The following TMPRSS13 variants were observed in gnomAD, a reference collection of about 807,000 sequenced individuals.
TMPRSS13 encodes the protein transmembrane serine protease 13.
In TMPRSS13, 50 loss-of-function variants were observed where a neutral mutation model predicts 68.4. The observed-to-expected ratio is 0.73, with a 90% CI of 0.58 to 0.93. TMPRSS13 has a LOEUF of 0.93. TMPRSS13 is among the 40% of genes least tolerant of loss of function. The pLI, the probability that TMPRSS13 is intolerant of heterozygous loss-of-function variation, is 0.00. For synonymous variants in TMPRSS13, 267 were observed against 285.8 expected (o/e 0.93, Z 0.66); for missense variants, 615 against 729.2 (o/e 0.84, Z 1.80).
chr11:117,910,283 C>G (rs2057508687), intron 7 of TMPRSS13, among the ~76,000 whole-genome samples: 1 of 152,112 alleles, frequency 6.6e-6, no homozygotes, highest in South Asian at 2.1e-4. Context: ...TTTGGAGTGT[C>G]CCAAGCTTTG....
intron 1 of TMPRSS13, 87 bp from the exon 2 acceptor site, chr11:117,918,925 C>T: frequency 1.9e-6 from 3 of 1,556,852 alleles, no homozygotes; most frequent in Non-Finnish European, 2.6e-6. Context: ...GAGATGAATG[C>T]TCTGGGGCAG....
At chr11:117,918,384 G>A in intron 2 of TMPRSS13, 25 bp downstream of exon 2, 2 of 1,607,450 alleles carry the variant, frequency 1.2e-6, no homozygotes, top group Non-Finnish European at 1.7e-6. Flanking sequence ...CATCTCTCGT[G>A]GCTTCCCTAC....
In TMPRSS13 at chr11:117,917,167, C is replaced by T. The variant is rs778944258; in HGVS notation, c.556+3G>A. 5.8e-5 allele frequency: 94 copies of T among 1,610,432 alleles called. No homozygotes were observed. The highest frequency in any genetic ancestry group is 7.9e-5 in the Non-Finnish European group (93 of 1,179,478). ...CCACCCCTGCACCCTCCATTCAACT[C>T]ACAGAGGATGATGAGCGAAACCACC... is the stretch of plus-strand genomic sequence containing the variant. On this transcript the variant is annotated splice_donor_region_variant and intron_variant, in intron 3 of 12. Coordinates refer to ENST00000524993, the MANE Select transcript of TMPRSS13 (RefSeq NM_001077263.3).
At position 117,922,412 on chromosome 11, in the gene TMPRSS13, T is replaced by C. The variant is rs1034604732; in HGVS notation, c.22-3574A>G. On this transcript the variant is annotated intron_variant, in intron 1 of 12. Coordinates refer to ENST00000524993, the MANE Select transcript of TMPRSS13 (RefSeq NM_001077263.3). This position sits in a 1 kb window ranked among gnomAD's most constrained non-coding sequence, Gnocchi z 4.2. Reference sequence around the variant, plus strand: ...ACTGTGCCCAGCTAATTTTTGTATTTTTAATAGAGATGGGGTTTCACCATG... The same window carrying C: ...ACTGTGCCCAGCTAATTTTTGTATTCTTAATAGAGATGGGGTTTCACCATG... Among the ~76,000 whole-genome samples the C allele has an allele frequency of 3.9e-5, 6 of 152,152 alleles. No homozygotes were observed. The highest frequency in any genetic ancestry group is 5.9e-5 in the Non-Finnish European group (4 of 68,022).
Position 117,915,581 on chromosome 11 carries a change from G to T in TMPRSS13, c.557-1067C>A, listed in dbSNP as rs922765997. Among the ~76,000 whole-genome samples the T allele has an allele frequency of 2.0e-4, 31 of 152,210 alleles. No homozygotes were observed. Among genetic ancestry groups the T allele is most frequent in the Admixed American group, 2.0e-3 (31 of 15,280 alleles). ...TGGAGCCCCACGTGGATGTGTAGTG[G>T]AGAGGGTACTGGGCCGGGTTGGGAG... On this transcript the variant is annotated intron_variant, in intron 3 of 12. Transcript: ENST00000524993. This position sits in a 1 kb window ranked among gnomAD's most constrained non-coding sequence, Gnocchi z 4.9.
At chr11:117,903,140 G>C in intron 12 of TMPRSS13, 1 of 1,337,108 alleles carries the variant, frequency 7.5e-7, no homozygotes, top group Non-Finnish European at 9.5e-7. Flanking sequence ...GTAGTTCTCA[G>C]GGAGCATTCT....
rs2155194 is a variant in TMPRSS13 at position 117,910,720 on chromosome 11, A to C, written c.933T>G (p.Ser311=). 3 of 1,609,256 alleles carry C rather than the reference A, an allele frequency of 1.9e-6. No homozygotes were observed. Among genetic ancestry groups the C allele is most frequent in the Non-Finnish European group, 2.5e-6 (3 of 1,177,390 alleles). Residue 311 remains serine (S), a synonymous_variant, in exon 7 of 13, where the codon TCT becomes TCG. Coordinates refer to ENST00000524993, the MANE Select transcript of TMPRSS13 (RefSeq NM_001077263.3). The stretch of plus-strand genomic sequence containing the variant: ...AGAACATCTTACGGGAACACTGGAG[A>C]GAGATATACCGCTGGGAAGGGCATT... ...RSECPSQRYI[S]LQCSHCGLRA... is the part of the protein sequence containing the mutation.
At position 117,918,540 on chromosome 11, in the gene TMPRSS13, G is replaced by A. The variant is rs373278830; in HGVS notation, c.320C>T (p.Ala107Val). The A allele has an allele frequency of 5.6e-6, 9 of 1,614,214 alleles. No homozygotes were observed. In the Admixed American group the frequency reaches 1.3e-4, roughly 24 times the overall value. The part of the protein sequence containing the change: ...SRSSSGRSSS[A>V]RSASVTTSPT... ...GGAGGTTGTCACCGAGGCTGACCTG[G>A]CGGATGATGACCTGCCGGATGAGGA... is the stretch of plus-strand genomic sequence containing the variant. Residue 107 changes from alanine to valine, a missense_variant, in exon 2 of 13, where the codon GCC (alanine) becomes GTC (valine). Coordinates refer to ENST00000524993, the MANE Select transcript of TMPRSS13 (RefSeq NM_001077263.3).
Position 117,914,564 on chromosome 11 carries a change from G to A in TMPRSS13, c.557-50C>T. 6.2e-7 allele frequency: 1 copy of A among 1,608,782 alleles called. No homozygotes were observed. Among genetic ancestry groups the A allele is most frequent in the Non-Finnish European group, 8.5e-7 (1 of 1,179,136 alleles). Reference sequence around the variant, plus strand: ...GGGTCATGGCCAGCCCCACTGAGATGAGACACTGAGCAGCCCAAGGACCTG... The same window carrying A: ...GGGTCATGGCCAGCCCCACTGAGATAAGACACTGAGCAGCCCAAGGACCTG... On this transcript the variant is annotated intron_variant, in intron 3 of 12. Coordinates refer to ENST00000524993, the MANE Select transcript of TMPRSS13 (RefSeq NM_001077263.3). The surrounding 1 kb of genome is among the most constrained non-coding windows in gnomAD (Gnocchi z 4.2).
chr11:117,903,215 A>G (rs1411238316), intron 12 of TMPRSS13: 2 of 1,362,816 alleles, frequency 1.5e-6, no homozygotes, highest in East Asian at 5.2e-5. Flanking sequence ...AAAAGACAAC[A>G]ACAACAACAA....
rs766406094 is a variant in TMPRSS13 at position 117,904,046 on chromosome 11, T to C, written c.1437A>G (p.Lys479=). The C allele has an allele frequency of 1.1e-5, 18 of 1,613,916 alleles. No individual in the cohort carries two copies. Among genetic ancestry groups the C allele is most frequent in the Non-Finnish European group, 1.5e-5 (18 of 1,179,992 alleles). The part of the protein sequence containing the change: ...EVQVNLIDFK[K]CNDYLVYDSY... ...TGTCATAGACCAAGTAGTCATTGCA[T>C]TTCTTGAAGTCGATGAGATTGACCT... Residue 479 remains lysine (K), a synonymous_variant, in exon 11 of 13, where the codon AAA becomes AAG. Coordinates refer to ENST00000524993, the MANE Select transcript of TMPRSS13 (RefSeq NM_001077263.3).
Position 117,917,272 on chromosome 11 carries a change from T to C in TMPRSS13, c.454A>G (p.Thr152Ala). 1 of 1,611,218 alleles carries C rather than the reference T, an allele frequency of 6.2e-7. No homozygotes were observed. The highest frequency in any genetic ancestry group is 8.5e-7 in the Non-Finnish European group (1 of 1,179,622). Reference protein sequence around the residue: ...ATRATRESPGTSLPKFTWREG... With the variant: ...ATRATRESPGASLPKFTWREG... ...CGCCAGGTGAACTTGGGCAGGCTCG[T>C]ACCTAGGAGCAGGGCGGCAGCAGGG... Residue 152 changes from threonine (T) to alanine (A), a missense_variant and splice_region_variant, in exon 3 of 13, where the codon ACG becomes GCG. Thr to Ala is a moderately conservative substitution (Grantham distance 58, BLOSUM62 0). Transcript: ENST00000524993.
intron 2 of TMPRSS13, 39 bp from the exon 3 acceptor site, chr11:117,917,313 G>A: frequency 6.5e-7 from 1 of 1,534,310 alleles, no homozygotes; most frequent in Non-Finnish European, 8.9e-7. Context: ...TGAGGCTGGA[G>A]AGGAGTCCGA....
rs2057408855 is a variant in TMPRSS13 at position 117,901,276 on chromosome 11, G to A, written c.*963C>T. On this transcript the variant is annotated 3_prime_UTR_variant, in exon 13 of 13. Coordinates refer to ENST00000524993, the MANE Select transcript of TMPRSS13 (RefSeq NM_001077263.3). ...AACGCCTTCGTCAGAGCCCTGGGATGCAGAAACAGTTTGTGGACCTCGTCG... is the reference window on the plus strand; with the variant it reads ...AACGCCTTCGTCAGAGCCCTGGGATACAGAAACAGTTTGTGGACCTCGTCG... The A allele has an allele frequency of 6.6e-6, 1 of 152,616 alleles. No individual in the cohort carries two copies. The highest frequency in any genetic ancestry group is 6.5e-5 in the Admixed American group (1 of 15,274). The allele number at this position is 152,616 out of a possible 1,614,324, so 9.5% of individuals were successfully genotyped here.
At position 117,914,285 on chromosome 11, in the gene TMPRSS13, G is replaced by A. The variant is rs759823435; in HGVS notation, c.679+107C>T. ...AACATGCACATACACACACATGCACGCACACATATACACACACAGGCATGC... is the reference window on the plus strand; with the variant it reads ...AACATGCACATACACACACATGCACACACACATATACACACACAGGCATGC... On this transcript the variant is annotated intron_variant, in intron 4 of 12. Transcript: ENST00000524993. This position sits in a 1 kb window ranked among gnomAD's most constrained non-coding sequence, Gnocchi z 4.2. 203 of 1,442,694 alleles carry A rather than the reference G, an allele frequency of 1.4e-4. 1 individual carries two copies. The highest frequency in any genetic ancestry group is 3.4e-4 in the South Asian group (28 of 81,832). 89.4% of individuals were successfully genotyped at this position (1,442,694 alleles called of 1,614,324 possible).
chr11:117,913,061 G>C (rs530968696), intron 5 of TMPRSS13, among the ~76,000 whole-genome samples: 5 of 152,160 alleles, frequency 3.3e-5, no homozygotes, highest in Non-Finnish European at 1.5e-5. Flanking sequence ...TGTTTTTGGT[G>C]CTTCTTCTGT....
In TMPRSS13 at chr11:117,906,720, A is replaced by AT. The variant is rs34636093; in HGVS notation, c.1283-985dup. ...ATTATTAACAAAAATGCAGCATAGG[A>AT]TTTTTTTTCTATGCCCCTTTTTGAG... is the stretch of plus-strand genomic sequence containing the variant. On this transcript the variant is annotated intron_variant, in intron 9 of 12. Transcript: ENST00000524993. 4.6e-3 allele frequency among the ~76,000 whole-genome samples: 707 copies of AT among 152,104 alleles called. 7 individuals carry two copies. The highest frequency in any genetic ancestry group is 0.015 in the African/African-American group (633 of 41,486).
intron 1 of TMPRSS13, among the ~76,000 whole-genome samples, chr11:117,919,627 C>T (rs11216620): frequency 0.034 from 5,221 of 152,298 alleles, 185 homozygotes; most frequent in East Asian, 0.17. Flanking sequence ...TCCCATAAGC[C>T]GGGACAATAA....
intron 10 of TMPRSS13, 49 bp from the exon 11 acceptor site, chr11:117,904,150 T>C: frequency 6.3e-7 from 1 of 1,594,790 alleles, no homozygotes; most frequent in Non-Finnish European, 8.6e-7. Flanking sequence ...GCCAGTGAGA[T>C]TCTAGATAGC....
Sources: allele counts gnomAD v4.1 joint callset (sites outside exome capture counted in the v4.1 genomes callset), GRCh38; gene constraint gnomAD v4.1.1; non-coding constraint Gnocchi (gnomAD v3.1); transcripts MANE v1.5; gene names NCBI Gene and HGNC (gene_info 2026-07-23, HGNC 2026-07-21).